The following CCSER1 variants were observed in gnomAD, a reference collection of about 807,000 sequenced individuals.
CCSER1 encodes serine-rich coiled-coil domain-containing protein 1.
CCSER1 carries 41 observed loss-of-function variants against 82.0 expected under a neutral mutation model. The ratio of observed to expected loss-of-function variants is 0.50; its 90% CI spans 0.39 to 0.65. The LOEUF (loss-of-function observed/expected upper bound fraction) is 0.65. CCSER1 is among the 30% of genes least tolerant of loss of function. The pLI is 0.00. For synonymous variants in CCSER1, 414 were observed against 383.9 expected (o/e 1.08, Z -0.92); for missense variants, 1,119 against 1,064.2 (o/e 1.05, Z -0.72).
intron 10 of CCSER1, among the ~76,000 whole-genome samples, chr4:91,119,659 G>A (rs952247306): frequency 6.6e-6 from 1 of 151,898 alleles, no homozygotes; most frequent in Non-Finnish European, 1.5e-5. Context: ...AAATTGAAAT[G>A]TAGGGCTATT....
At chr4:90,582,023 G>A (rs1781469644) in intron 5 of CCSER1, among the ~76,000 whole-genome samples, 1 of 151,866 alleles carries the variant, frequency 6.6e-6, no homozygotes, top group African/African-American at 2.4e-5. Context: ...TATTGTTTTA[G>A]TGTATAGGAA....
chr4:90,794,573 A>G (rs893559928), intron 7 of CCSER1, among the ~76,000 whole-genome samples: 6 of 152,238 alleles, frequency 3.9e-5, no homozygotes, highest in African/African-American at 9.6e-5. Flanking sequence ...AGCCTGTATC[A>G]TAGTTTGAAG....
At chr4:91,091,335 G>A (rs189345256) in intron 10 of CCSER1, among the ~76,000 whole-genome samples, 202 of 152,212 alleles carry the variant, frequency 1.3e-3, no homozygotes, top group African/African-American at 4.7e-3. Context: ...CGTCGGGCTG[G>A]TCACTTCCTG....
At chr4:90,625,454 C>T (rs895205907) in intron 5 of CCSER1, among the ~76,000 whole-genome samples, 4 of 152,280 alleles carry the variant, frequency 2.6e-5, no homozygotes, top group African/African-American at 4.8e-5. Flanking sequence ...TGAGTGGCAA[C>T]CCCATTTAAC....
chr4:91,356,326 C>T (rs992391216), intron 10 of CCSER1, among the ~76,000 whole-genome samples: 7 of 152,166 alleles, frequency 4.6e-5, no homozygotes, highest in African/African-American at 7.2e-5. Context: ...ACGAAAAGCT[C>T]GTTGCTGTTG....
intron 10 of CCSER1, among the ~76,000 whole-genome samples, chr4:91,544,061 A>G (rs1003986704): frequency 2.6e-5 from 4 of 152,024 alleles, no homozygotes; most frequent in Admixed American, 1.3e-4. Flanking sequence ...TTGATCTTCA[A>G]TCACTGATAC....
intron 10 of CCSER1, among the ~76,000 whole-genome samples, chr4:91,385,086 T>C (rs555416268): frequency 1.3e-5 from 2 of 152,164 alleles, no homozygotes; most frequent in African/African-American, 4.8e-5. Flanking sequence ...TTTCAGGAAT[T>C]TATCCTGAAG....
chr4:91,314,581 C>T (rs1279879790), intron 10 of CCSER1, among the ~76,000 whole-genome samples: 2 of 151,944 alleles, frequency 1.3e-5, no homozygotes, highest in East Asian at 1.9e-4. Context: ...GGCTTCCTCC[C>T]TCTACTGCTT....
chr4:90,714,516 G>A lies in CCSER1; in HGVS notation c.1933-9398G>A, dbSNP rs1017039459. Among the ~76,000 whole-genome samples the A allele has an allele frequency of 5.9e-5, 9 of 152,034 alleles. No individual in the cohort carries two copies. The East Asian group carries it at 1.7e-3, about 29-fold the overall frequency. On this transcript the variant is annotated intron_variant, in intron 6 of 10. Coordinates refer to ENST00000509176, the MANE Select transcript of CCSER1 (RefSeq NM_001145065.2). ...TTCAAGTCATAGACCAAAACATAAA[G>A]AGGCCTTGCCACAATTGGTTCAGAT...
At chr4:91,452,753 C>T (rs558902944) in intron 10 of CCSER1, among the ~76,000 whole-genome samples, 1 of 152,048 alleles carries the variant, frequency 6.6e-6, no homozygotes, top group South Asian at 2.1e-4. Flanking sequence ...CTGGAGACCT[C>T]ACTTTGTTCT....
chr4:90,256,567 G>A (rs1192472647), intron 1 of CCSER1, among the ~76,000 whole-genome samples: 1 of 152,072 alleles, frequency 6.6e-6, no homozygotes, highest in Non-Finnish European at 1.5e-5. Context: ...CCTGTGAGTA[G>A]GCTGTCAGCA....
At chr4:91,417,757 G>T (rs1753452239) in intron 10 of CCSER1, among the ~76,000 whole-genome samples, 1 of 151,920 alleles carries the variant, frequency 6.6e-6, no homozygotes, top group Admixed American at 6.6e-5. Flanking sequence ...AATCCTAGGT[G>T]ATGGGCTGAT....
At chr4:90,360,710 T>A (rs1320717742) in intron 3 of CCSER1, among the ~76,000 whole-genome samples, 1 of 152,128 alleles carries the variant, frequency 6.6e-6, no homozygotes, top group Non-Finnish European at 1.5e-5. Flanking sequence ...AGAAAAGAGT[T>A]GTTCATGGAT....
intron 9 of CCSER1, among the ~76,000 whole-genome samples, chr4:90,933,024 GAAAGAAAGAA>G (rs1730342791): frequency 2.3e-5 from 2 of 87,482 alleles, no homozygotes; most frequent in South Asian, 5.6e-4. Flanking sequence ...AAGAAAGAAA[GAAAGAAAGAA>G]AGAAAGAAAG....
At chr4:91,310,274 C>T (rs1460512309) in intron 10 of CCSER1, among the ~76,000 whole-genome samples, 1 of 151,674 alleles carries the variant, frequency 6.6e-6, no homozygotes, top group Non-Finnish European at 1.5e-5. Flanking sequence ...ATTGTTATTC[C>T]CTGCCCTGCT....
In CCSER1 at chr4:90,443,717, A is replaced by T. The variant is rs191236988; in HGVS notation, c.1604-24517A>T. Among the ~76,000 whole-genome samples, 23 of 152,216 alleles carry T rather than the reference A, an allele frequency of 1.5e-4. No individual in the cohort carries two copies. The East Asian group carries it at 4.2e-3, about 28-fold the overall frequency. ...GCATATAAAATATGATTTTTCATAC[A>T]TTAATAAAGATTGAAGTCATTAAGC... On this transcript the variant is annotated intron_variant, in intron 4 of 10. Coordinates refer to ENST00000509176, the MANE Select transcript of CCSER1 (RefSeq NM_001145065.2).
At chr4:90,836,232 A>T (rs1313734287) in intron 8 of CCSER1, among the ~76,000 whole-genome samples, 6 of 152,140 alleles carry the variant, frequency 3.9e-5, no homozygotes, top group Non-Finnish European at 7.4e-5. Context: ...CAAAAACATG[A>T]TCAGTGTGCA....
chr4:91,579,078 T>G (rs1763599022), intron 10 of CCSER1, among the ~76,000 whole-genome samples: 1 of 151,734 alleles, frequency 6.6e-6, no homozygotes, highest in Non-Finnish European at 1.5e-5. Context: ...TTTATTTTCC[T>G]GATCTTTTCT....
At chr4:90,819,308 C>T (rs530470842) in intron 8 of CCSER1, among the ~76,000 whole-genome samples, 9 of 152,266 alleles carry the variant, frequency 5.9e-5, no homozygotes, top group East Asian at 5.8e-4. Context: ...AATATCATCA[C>T]GCCGGGAGTC....
Sources: allele counts gnomAD v4.1 joint callset (sites outside exome capture counted in the v4.1 genomes callset), GRCh38; gene constraint gnomAD v4.1.1; transcripts MANE v1.5; gene names NCBI Gene and HGNC (gene_info 2026-07-23, HGNC 2026-07-21).